Variants in CASQ2 observed in about 807,000 individuals in gnomAD.
CASQ2 encodes the protein calsequestrin 2, also known as calsequestrin-2.
A neutral mutation model predicts 46.5 loss-of-function variants in CASQ2; 49 were observed. The observed-to-expected ratio is 1.05, with a 90% CI of 0.84 to 1.34. CASQ2 has a LOEUF of 1.34. CASQ2 is among the 40% of genes most tolerant of loss of function. The pLI is 0.00. For missense variants in CASQ2, 486 were observed against 481.3 expected (o/e 1.01, Z -0.09); for synonymous variants, 174 against 168.5 (o/e 1.03, Z -0.25).
chr1:115,741,700 G>A (rs12144053), intron 2 of CASQ2, among the ~76,000 whole-genome samples: 112,547 of 152,088 alleles, frequency 0.74, 45,343 homozygotes, highest in Non-Finnish European at 0.9. Flanking sequence ...CAGGCTCAGC[G>A]TCTTCTTATT....
intron 1 of CASQ2, among the ~76,000 whole-genome samples, chr1:115,766,974 T>C (rs993589827): frequency 6.6e-6 from 1 of 152,198 alleles, no homozygotes; most frequent in South Asian, 2.1e-4. Context: ...GAAATGAATG[T>C]CCTTGCCTGT....
At chr1:115,711,346 G>A (rs897900181) in intron 8 of CASQ2, among the ~76,000 whole-genome samples, 5 of 152,180 alleles carry the variant, frequency 3.3e-5, no homozygotes, top group Admixed American at 6.5e-5. Context: ...TGTCTAAAGA[G>A]GGCACTGGGT....
At chr1:115,726,202 G>T (rs1647583416) in intron 6 of CASQ2, among the ~76,000 whole-genome samples, 1 of 152,154 alleles carries the variant, frequency 6.6e-6, no homozygotes, top group Non-Finnish European at 1.5e-5. Context: ...TGCCAGGTAG[G>T]GTGGAGGGAC....
At chr1:115,768,251 GCATTC>G (rs1649197207) in intron 1 of CASQ2, 52 bp downstream of exon 1, 2 of 1,117,862 alleles carry the variant, frequency 1.8e-6, no homozygotes, top group Non-Finnish European at 2.8e-6. Context: ...CTGGCCAAAG[GCATTC>G]CCTCGGCACC....
chr1:115,706,116 C>A (rs528786115), intron 8 of CASQ2, among the ~76,000 whole-genome samples: 16 of 152,128 alleles, frequency 1.1e-4, no homozygotes, highest in African/African-American at 3.9e-4. Flanking sequence ...TGGAAGGTCC[C>A]TGAGAATAAT....
At chr1:115,749,034 G>T (rs1397824570) in intron 1 of CASQ2, among the ~76,000 whole-genome samples, 1 of 152,106 alleles carries the variant, frequency 6.6e-6, no homozygotes, top group Non-Finnish European at 1.5e-5. Flanking sequence ...TAATACAGCA[G>T]ATCTCAAGAC....
At position 115,718,089 on chromosome 1, in the gene CASQ2, G is replaced by T. The variant is rs1647234746; in HGVS notation, c.784-195C>A. On this transcript the variant is annotated intron_variant, in intron 7 of 10. Coordinates refer to ENST00000261448, the MANE Select transcript of CASQ2 (RefSeq NM_001232.4). ...AGGAATGCTGAGGAGCAACTGCCAG[G>T]AATGCATAGGGTTTGGATCAGGGAC... 2.0e-5 allele frequency among the ~76,000 whole-genome samples: 3 copies of T among 152,294 alleles called. No individual in the cohort carries two copies. The South Asian group carries it at 6.2e-4, about 32-fold the overall frequency.
At chr1:115,741,868 T>C (rs2101096818) in intron 2 of CASQ2, among the ~76,000 whole-genome samples, 1 of 152,336 alleles carries the variant, frequency 6.6e-6, no homozygotes, top group South Asian at 2.1e-4. Context: ...AAAAGTCTGT[T>C]AGCTGGAGAA....
intron 9 of CASQ2, among the ~76,000 whole-genome samples, chr1:115,704,394 G>C (rs1654299553): frequency 6.6e-6 from 1 of 152,162 alleles, no homozygotes; most frequent in Non-Finnish European, 1.5e-5. Context: ...AACCTCCCCA[G>C]CTATCATTCT....
chr1:115,716,104 C>G (rs979493373), intron 8 of CASQ2, among the ~76,000 whole-genome samples: 1 of 152,212 alleles, frequency 6.6e-6, no homozygotes, highest in Admixed American at 6.5e-5. Flanking sequence ...AGTCTACATT[C>G]CCTTGACTTC....
chr1:115,738,265 T>C lies in CASQ2; in HGVS notation c.491A>G (p.Tyr164Cys), dbSNP rs72554062. The C allele has an allele frequency of 2.6e-5, 42 of 1,613,410 alleles. No individual in the cohort carries two copies. Among genetic ancestry groups the C allele is most frequent in the Admixed American group, 1.2e-4 (7 of 60,012 alleles). ...CTTGAAAAAGCCAATGAGTTTGATG[T>C]AGTCTTCAATGCGTTCGAAGGCTTG... ...EVQAFERIED[Y>C]IKLIGFFKSE... Residue 164 changes from tyrosine to cysteine, a missense_variant, in exon 4 of 11, where the codon TAC (tyrosine) becomes TGC (cysteine). By Grantham distance (194) the Tyr-to-Cys change is radical. Coordinates refer to ENST00000261448, the MANE Select transcript of CASQ2 (RefSeq NM_001232.4).
intron 4 of CASQ2, 58 bp from the exon 5 acceptor site, chr1:115,733,032 C>A: frequency 7.8e-7 from 1 of 1,274,090 alleles, no homozygotes; most frequent in African/African-American, 1.5e-5. Context: ...ACAGAAGAAT[C>A]TTCTTTTTAA....
intron 1 of CASQ2, among the ~76,000 whole-genome samples, chr1:115,761,849 C>T (rs1228631163): frequency 6.6e-6 from 1 of 152,180 alleles, no homozygotes; most frequent in Admixed American, 6.5e-5. Context: ...CTGCATGAGT[C>T]ATCCTCTAAA....
chr1:115,745,470 G>A lies in CASQ2; in HGVS notation c.235-558C>T, dbSNP rs187948144. Reference sequence around the variant, plus strand: ...AGCACACTGAGACTAGTAGAGTATCGGGGGTCAGGGGTTCGGCTCCAAAGG... The same window carrying A: ...AGCACACTGAGACTAGTAGAGTATCAGGGGTCAGGGGTTCGGCTCCAAAGG... On this transcript the variant is annotated intron_variant, in intron 1 of 10. Transcript: ENST00000261448. Among the ~76,000 whole-genome samples the A allele has an allele frequency of 6.9e-4, 105 of 152,240 alleles. 1 individual carries two copies. Among genetic ancestry groups the A allele is most frequent in the Non-Finnish European group, 7.6e-4 (52 of 68,026 alleles).
intron 1 of CASQ2, among the ~76,000 whole-genome samples, chr1:115,764,464 T>C (rs1185727936): frequency 6.6e-6 from 1 of 152,224 alleles, no homozygotes; most frequent in Non-Finnish European, 1.5e-5. Flanking sequence ...TGATTACTTT[T>C]ATTGCCTTTT....
chr1:115,751,001 G>A (rs1404048077), intron 1 of CASQ2, among the ~76,000 whole-genome samples: 1 of 149,382 alleles, frequency 6.7e-6, no homozygotes, highest in African/African-American at 2.4e-5. Flanking sequence ...AAGTGCACAG[G>A]GCTTGGAATC....
intron 4 of CASQ2, 87 bp from the exon 5 acceptor site, chr1:115,733,061 A>C (rs1647843114): frequency 1.1e-6 from 1 of 901,770 alleles, no homozygotes; most frequent in Non-Finnish European, 1.8e-6. Flanking sequence ...GAGAGTAGAA[A>C]GCCAATTAAT....
intron 8 of CASQ2, among the ~76,000 whole-genome samples, chr1:115,715,631 T>C (rs1369434691): frequency 6.6e-6 from 1 of 152,248 alleles, no homozygotes; most frequent in Non-Finnish European, 1.5e-5. Context: ...TGCACAACTT[T>C]GTGAATGTCC....
At position 115,738,261 on chromosome 1, in the gene CASQ2, G is replaced by T. The variant is rs1447782106; in HGVS notation, c.495C>A (p.Ile165=). ...VQAFERIEDY[I]KLIGFFKSED... Reference sequence around the variant, plus strand: ...CACTCTTGAAAAAGCCAATGAGTTTGATGTAGTCTTCAATGCGTTCGAAGG... The same window carrying T: ...CACTCTTGAAAAAGCCAATGAGTTTTATGTAGTCTTCAATGCGTTCGAAGG... Residue 165 remains isoleucine, a synonymous_variant, in exon 4 of 11, where the codon ATC becomes ATA. Coordinates refer to ENST00000261448, the MANE Select transcript of CASQ2 (RefSeq NM_001232.4). The T allele has an allele frequency of 6.2e-7, 1 of 1,613,102 alleles. No homozygotes were observed. Among genetic ancestry groups the T allele is most frequent in the East Asian group, 2.2e-5 (1 of 44,890 alleles).
Sources: gnomAD v4.1 joint callset for allele counts (sites outside exome capture counted in the v4.1 genomes callset) on GRCh38, gnomAD v4.1.1 for gene constraint, MANE v1.5 for transcripts, NCBI Gene and HGNC (gene_info 2026-07-23, HGNC 2026-07-21) for gene names.